Variants in DLGAP2 observed in about 807,000 individuals in gnomAD.
The protein encoded by DLGAP2 is DLG associated protein 2.
In DLGAP2, 26 loss-of-function variants were observed where a neutral mutation model predicts 100.3. That is an observed-to-expected ratio of 0.26 (90% CI 0.19 to 0.36). The LOEUF (loss-of-function observed/expected upper bound fraction) is 0.36, where lower values mean the gene tolerates loss of function less well. Ranked by LOEUF, DLGAP2 falls within the 10% of genes least tolerant of loss-of-function variation. The pLI, the probability that DLGAP2 is intolerant of heterozygous loss-of-function variation, is 1.00. For synonymous variants in DLGAP2, 886 were observed against 630.1 expected (o/e 1.41, Z -6.08); for missense variants, 1,858 against 1,453.2 (o/e 1.28, Z -4.53).
chr8:937,049 G>A (rs1799088016), intron 2 of DLGAP2, among the ~76,000 whole-genome samples: 1 of 152,174 alleles, frequency 6.6e-6, no homozygotes, highest in Non-Finnish European at 1.5e-5. Context: ...TGCCATGATG[G>A]CCTCCTGTGT....
chr8:738,228 G>C (rs1248867453), intron 1 of DLGAP2: 1 of 157,756 alleles, frequency 6.3e-6, no homozygotes, highest in Non-Finnish European at 1.4e-5. Context: ...GCGAGCGAGT[G>C]GGGGCGGCGG....
chr8:1,330,505 C>T (rs530868622), intron 3 of DLGAP2, among the ~76,000 whole-genome samples: 1 of 133,376 alleles, frequency 7.5e-6, no homozygotes, highest in African/African-American at 2.9e-5. Flanking sequence ...GGGAGCACCG[C>T]TTCACGGGGA....
chr8:1,088,794 CCCA>C (rs1804065699), intron 2 of DLGAP2, among the ~76,000 whole-genome samples: 7 of 102,832 alleles, frequency 6.8e-5, no homozygotes, highest in Middle Eastern at 5.5e-3. Context: ...TCTCACTCCC[CCCA>C]CCCCACTCTC....
intron 2 of DLGAP2, among the ~76,000 whole-genome samples, chr8:1,246,131 A>G (rs182699219): frequency 6.6e-6 from 1 of 152,206 alleles, no homozygotes; most frequent in Non-Finnish European, 1.5e-5. Context: ...TAGGATTCCC[A>G]TAGGTGTCTT....
chr8:1,223,795 A>T (rs997972146), intron 2 of DLGAP2, among the ~76,000 whole-genome samples: 1 of 152,208 alleles, frequency 6.6e-6, no homozygotes, highest in Non-Finnish European at 1.5e-5. Flanking sequence ...AAGGATAAAA[A>T]CAATTGAATA....
intron 2 of DLGAP2, among the ~76,000 whole-genome samples, chr8:1,010,606 T>C (rs2129020639): frequency 6.6e-6 from 1 of 152,330 alleles, no homozygotes; most frequent in South Asian, 2.1e-4. Context: ...CGACATCAAA[T>C]GGAGCTTAAT....
At chr8:1,688,907 C>G (rs1799181510) in intron 12 of DLGAP2, among the ~76,000 whole-genome samples, 2 of 152,178 alleles carry the variant, frequency 1.3e-5, no homozygotes, top group Non-Finnish European at 2.9e-5. Flanking sequence ...TCAACTGGCT[C>G]ATAGCATTTT....
At chr8:1,082,036 C>T (rs1563181812) in intron 2 of DLGAP2, among the ~76,000 whole-genome samples, 1 of 152,106 alleles carries the variant, frequency 6.6e-6, no homozygotes, top group Non-Finnish European at 1.5e-5. Flanking sequence ...TGGCAGAGCC[C>T]CCTCTGTGCA....
chr8:1,051,908 A>G (rs1240544309), intron 2 of DLGAP2, among the ~76,000 whole-genome samples: 2 of 152,138 alleles, frequency 1.3e-5, no homozygotes, highest in Non-Finnish European at 2.9e-5. Context: ...CCATGGATTC[A>G]TGAGAGCAAA....
chr8:1,093,739 A>T (rs1187714497), intron 2 of DLGAP2, among the ~76,000 whole-genome samples: 1 of 152,262 alleles, frequency 6.6e-6, no homozygotes, highest in South Asian at 2.1e-4. Context: ...ACAGCCAGAC[A>T]GGTGTTTGAC....
chr8:1,524,361 G>A (rs76730154), intron 4 of DLGAP2, among the ~76,000 whole-genome samples: 2,357 of 152,266 alleles, frequency 0.015, 66 homozygotes, highest in African/African-American at 0.054. Context: ...ACCCCCAGCT[G>A]TGCTTCCAAG....
At chr8:1,390,259 C>T (rs1796319046) in intron 3 of DLGAP2, among the ~76,000 whole-genome samples, 1 of 152,152 alleles carries the variant, frequency 6.6e-6, no homozygotes, top group African/African-American at 2.4e-5. Context: ...ATCTGGGCTT[C>T]TCCAGAAGGC....
At chr8:1,284,179 C>G (rs919174063) in intron 3 of DLGAP2, among the ~76,000 whole-genome samples, 1 of 152,198 alleles carries the variant, frequency 6.6e-6, no homozygotes, top group Non-Finnish European at 1.5e-5. Flanking sequence ...ACAGCAATTT[C>G]CAGAACAAAG....
chr8:1,321,285 T>C (rs1449379169), intron 3 of DLGAP2, among the ~76,000 whole-genome samples: 1 of 151,942 alleles, frequency 6.6e-6, no homozygotes, highest in African/African-American at 2.4e-5. Flanking sequence ...CGTGCATCTG[T>C]GTGTCTCTGT....
In DLGAP2 at chr8:812,073, G is replaced by A. The variant is rs1012239813; in HGVS notation, c.18+74248G>A. On this transcript the variant is annotated intron_variant, in intron 1 of 14. Coordinates refer to ENST00000637795, the MANE Select transcript of DLGAP2 (RefSeq NM_001346810.2). The stretch of plus-strand genomic sequence containing the variant: ...TTCTCCAGAGAAACGGGATCAGTAG[G>A]ATGTGTGTGCTCCTCCATCTCTGCA... 3.0e-4 allele frequency among the ~76,000 whole-genome samples: 45 copies of A among 152,354 alleles called. 1 individual carries two copies. The highest frequency in any genetic ancestry group is 2.0e-4 in the Admixed American group (3 of 15,306).
chr8:1,608,902 A>G (rs1188005176), intron 6 of DLGAP2, among the ~76,000 whole-genome samples: 2 of 151,964 alleles, frequency 1.3e-5, no homozygotes, highest in African/African-American at 4.8e-5. Flanking sequence ...AAAAGACCAA[A>G]TCTACGTCTG....
At chr8:1,284,350 A>G (rs1395110207) in intron 3 of DLGAP2, among the ~76,000 whole-genome samples, 1 of 152,080 alleles carries the variant, frequency 6.6e-6, no homozygotes, top group Non-Finnish European at 1.5e-5. Context: ...GGGCTGTGGA[A>G]TTGCTTCAGA....
rs1003999563 is a variant in DLGAP2 at position 1,695,173 on chromosome 8, C to T, written c.2797-1974C>T. ...GCGGGCGAGGGAGGAGAAGCCACTC[C>T]GCTTCCCCCACACCATCAGGCACAG... On this transcript the variant is annotated intron_variant, in intron 13 of 14. Transcript: ENST00000637795. Among the ~76,000 whole-genome samples, 7 of 152,372 alleles carry T rather than the reference C, an allele frequency of 4.6e-5. No individual in the cohort carries two copies. The East Asian group carries it at 7.7e-4, about 17-fold the overall frequency.
intron 2 of DLGAP2, among the ~76,000 whole-genome samples, chr8:1,238,375 G>A (rs1269050710): frequency 3.6e-5 from 1 of 27,822 alleles, no homozygotes; most frequent in Non-Finnish European, 7.0e-5. Context: ...CTCACGTGGC[G>A]CCGTGTCTAA....
Sources: allele counts gnomAD v4.1 joint callset (sites outside exome capture counted in the v4.1 genomes callset), GRCh38; gene constraint gnomAD v4.1.1; transcripts MANE v1.5; gene names NCBI Gene and HGNC (gene_info 2026-07-23, HGNC 2026-07-21).